Variants in NAALADL2 observed in about 807,000 individuals in gnomAD.
NAALADL2 encodes the protein inactive N-acetylated-alpha-linked acidic dipeptidase-like protein 2.
NAALADL2 carries 76 observed loss-of-function variants against 87.2 expected under a neutral mutation model. The observed-to-expected ratio is 0.87, with a 90% confidence interval of 0.72 to 1.05. NAALADL2 has a LOEUF of 1.05. Among genes scored for constraint, NAALADL2 ranks in the 50% least tolerant of loss-of-function variants. The pLI, the probability that NAALADL2 is intolerant of heterozygous loss-of-function variation, is 0.00. For synonymous variants in NAALADL2, 354 were observed against 331.0 expected (o/e 1.07, Z -0.75); for missense variants, 1,089 against 945.8 (o/e 1.15, Z -1.99).
At chr3:175,406,007 G>A (rs1712294288) in intron 5 of NAALADL2, among the ~76,000 whole-genome samples, 1 of 152,184 alleles carries the variant, frequency 6.6e-6, no homozygotes, top group African/African-American at 2.4e-5. Context: ...AAGTGCTGAT[G>A]ATTTGGTAAT....
chr3:175,268,188 G>A (rs746209143), intron 4 of NAALADL2, among the ~76,000 whole-genome samples: 30 of 152,108 alleles, frequency 2.0e-4, no homozygotes, highest in Non-Finnish European at 3.1e-4. Context: ...AGCCTACTGC[G>A]TATCTAGTCT....
intron 4 of NAALADL2, among the ~76,000 whole-genome samples, chr3:175,302,843 T>G (rs1757251830): frequency 6.9e-6 from 1 of 143,916 alleles, no homozygotes; most frequent in South Asian, 2.1e-4. Context: ...TATATATGTG[T>G]GTGTATGTGT....
intron 2 of NAALADL2, among the ~76,000 whole-genome samples, chr3:175,119,538 G>A (rs1019279547): frequency 6.6e-6 from 1 of 151,094 alleles, no homozygotes; most frequent in Non-Finnish European, 1.5e-5. Context: ...GAGGGAGAGA[G>A]AGAGTGAGAA....
At chr3:175,485,589 G>A (rs1056672470) in intron 9 of NAALADL2, among the ~76,000 whole-genome samples, 3 of 152,126 alleles carry the variant, frequency 2.0e-5, no homozygotes, top group Non-Finnish European at 4.4e-5. Flanking sequence ...ACAGAACCTG[G>A]AACCTGATGT....
intron 2 of NAALADL2, among the ~76,000 whole-genome samples, chr3:174,679,566 G>A (rs574089681): frequency 6.6e-6 from 1 of 152,046 alleles, no homozygotes; most frequent in Non-Finnish European, 1.5e-5. Flanking sequence ...GATCTTTGGG[G>A]TGTTCCTATA....
chr3:174,945,732 G>A (rs749690180), intron 1 of NAALADL2, among the ~76,000 whole-genome samples: 6 of 152,042 alleles, frequency 3.9e-5, no homozygotes, highest in Non-Finnish European at 8.8e-5. Flanking sequence ...GTCCCTTGAA[G>A]ACTCCCTTTT....
intron 1 of NAALADL2, among the ~76,000 whole-genome samples, chr3:175,002,292 T>C (rs1339444077): frequency 6.6e-6 from 1 of 152,126 alleles, no homozygotes; most frequent in Non-Finnish European, 1.5e-5. Flanking sequence ...AGTCAGAAAC[T>C]AGACAGTGGT....
intron 9 of NAALADL2, among the ~76,000 whole-genome samples, chr3:175,516,376 C>A (rs575016197): frequency 1.3e-5 from 2 of 152,262 alleles, no homozygotes; most frequent in African/African-American, 4.8e-5. Context: ...GAGTTGACAT[C>A]AAGCTTTAGT....
At chr3:174,849,261 CTA>C (rs1724971931) in intron 3 of NAALADL2, among the ~76,000 whole-genome samples, 1 of 148,682 alleles carries the variant, frequency 6.7e-6, no homozygotes, top group African/African-American at 2.6e-5. Flanking sequence ...TTAATTGACT[CTA>C]TCTTTTATAC....
chr3:175,127,883 GAC>G (rs1345833469), intron 2 of NAALADL2, among the ~76,000 whole-genome samples: 1 of 152,008 alleles, frequency 6.6e-6, no homozygotes, highest in Non-Finnish European at 1.5e-5. Context: ...TATTATGAAA[GAC>G]ACGTGATATA....
chr3:175,185,560 T>C (rs2109018999), intron 2 of NAALADL2, among the ~76,000 whole-genome samples: 1 of 151,952 alleles, frequency 6.6e-6, no homozygotes, highest in African/African-American at 2.4e-5. Context: ...AGATATGTGG[T>C]ATAGATATGT....
intron 2 of NAALADL2, among the ~76,000 whole-genome samples, chr3:174,718,536 C>G (rs1229776124): frequency 1.3e-5 from 2 of 152,130 alleles, no homozygotes; most frequent in Admixed American, 6.5e-5. Context: ...GGATGAGAAA[C>G]CATCTTCCAA....
chr3:175,694,639 A>G (rs1737498667), intron 11 of NAALADL2, among the ~76,000 whole-genome samples: 1 of 152,156 alleles, frequency 6.6e-6, no homozygotes, highest in South Asian at 2.1e-4. Context: ...GTTCCTGGAG[A>G]TAAGGAAGGA....
intron 9 of NAALADL2, chr3:175,487,643 G>A (rs1273085210): frequency 2.5e-6 from 1 of 397,934 alleles, no homozygotes; most frequent in Non-Finnish European, 5.0e-6. Context: ...TAAATATTTT[G>A]CCCCTTTCTG....
chr3:175,512,057 C>G (rs1731231236), intron 9 of NAALADL2, among the ~76,000 whole-genome samples: 1 of 152,058 alleles, frequency 6.6e-6, no homozygotes, highest in South Asian at 2.1e-4. Context: ...GCCTGAGCAA[C>G]ATAGTGTGAC....
At chr3:174,460,696 AT>A (rs574383417) in intron 1 of NAALADL2, among the ~76,000 whole-genome samples, 570 of 151,638 alleles carry the variant, frequency 3.8e-3, no homozygotes, top group African/African-American at 5.4e-3. Flanking sequence ...TATAAACGTA[AT>A]TTTTTTTGAC....
At chr3:175,726,005 C>A (rs1742866773) in intron 11 of NAALADL2, among the ~76,000 whole-genome samples, 1 of 151,984 alleles carries the variant, frequency 6.6e-6, no homozygotes, top group Non-Finnish European at 1.5e-5. Context: ...AAGTTAGTAT[C>A]TTGAAGTTTC....
chr3:175,232,237 G>GAAGA (rs149513592), intron 2 of NAALADL2, among the ~76,000 whole-genome samples: 1 of 149,342 alleles, frequency 6.7e-6, no homozygotes, highest in African/African-American at 2.5e-5. Context: ...AGAGGAAGAG[G>GAAGA]AAGAAGAAAG....
At chr3:175,299,235 T>A (rs1446096975) in intron 4 of NAALADL2, among the ~76,000 whole-genome samples, 1 of 152,168 alleles carries the variant, frequency 6.6e-6, no homozygotes, top group Non-Finnish European at 1.5e-5. Flanking sequence ...TTGCTTAGGA[T>A]TGTCTTGGCT....
Sources: allele counts gnomAD v4.1 joint callset (sites outside exome capture counted in the v4.1 genomes callset), GRCh38; gene constraint gnomAD v4.1.1; transcripts MANE v1.5; gene names NCBI Gene and HGNC (gene_info 2026-07-23, HGNC 2026-07-21).